CRTC1: variants seen among roughly 807,000 people sequenced by gnomAD.
The protein encoded by CRTC1 is CREB regulated transcription coactivator 1.
CRTC1 carries 18 observed loss-of-function variants against 66.1 expected under a neutral mutation model. The ratio of observed to expected loss-of-function variants is 0.27; its 90% confidence interval spans 0.19 to 0.40. The LOEUF (loss-of-function observed/expected upper bound fraction) is 0.40, where lower values mean the gene tolerates loss of function less well. Ranked by LOEUF, CRTC1 falls within the 10% of genes least tolerant of loss-of-function variation. The pLI, the probability that CRTC1 is intolerant of heterozygous loss-of-function variation, is 1.00. For missense variants in CRTC1, 669 were observed against 887.9 expected (o/e 0.75, Z 3.13); for synonymous variants, 416 against 398.8 (o/e 1.04, Z -0.51).
chr19:18,763,475 G>A (rs1452692646), intron 8 of CRTC1, among the ~76,000 whole-genome samples: 1 of 152,224 alleles, frequency 6.6e-6, no homozygotes, highest in African/African-American at 2.4e-5. Flanking sequence ...GCCGAGGTGT[G>A]CAGAGGCTCT....
chr19:18,696,087 G>T (rs1353449149), intron 1 of CRTC1, among the ~76,000 whole-genome samples: 1 of 152,174 alleles, frequency 6.6e-6, no homozygotes, highest in African/African-American at 2.4e-5. Flanking sequence ...TGGGCAGCTG[G>T]TGGCGTCCTC....
intron 4 of CRTC1, among the ~76,000 whole-genome samples, chr19:18,747,319 C>A (rs551875605): frequency 6.6e-6 from 1 of 152,014 alleles, no homozygotes; most frequent in Non-Finnish European, 1.5e-5. Flanking sequence ...CCCTTCCCCC[C>A]ACTTATGACA....
chr19:18,777,424 G>A lies in CRTC1; in HGVS notation c.*42G>A, dbSNP rs754506692. On this transcript the variant is annotated 3_prime_UTR_variant, in exon 14 of 14. Transcript: ENST00000321949. The surrounding 1 kb of genome is among the most constrained non-coding windows in gnomAD (Gnocchi z 5.5). ...CCTGCCGCTCAGCCGTCCCGACGGC[G>A]CCTCCCCAGCCCGGGGACGGCCGTG... 31 of 1,556,738 alleles carry A rather than the reference G, an allele frequency of 2.0e-5. No individual in the cohort carries two copies. In the South Asian group the frequency reaches 2.7e-4, roughly 13 times the overall value.
intron 5 of CRTC1, among the ~76,000 whole-genome samples, chr19:18,751,614 G>A (rs953345414): frequency 2.0e-5 from 3 of 152,302 alleles, no homozygotes; most frequent in Admixed American, 2.0e-4. Flanking sequence ...GCTGGTTCCA[G>A]AGCCTCAATT....
rs548774893 is a variant in CRTC1, at chr19:18,780,677, G to C, written c.*3295G>C. 3.1e-5 allele frequency: 7 copies of C among 224,478 alleles called. No homozygotes were observed. Among genetic ancestry groups the C allele is most frequent in the South Asian group, 1.8e-4 (1 of 5,468 alleles). The allele number at this position is 224,478 out of a possible 1,614,324, so 13.9% of individuals were successfully genotyped here. A position where few individuals can be genotyped will look rare whatever the true frequency, so the allele number is the denominator to read the frequency against. On this transcript the variant is annotated 3_prime_UTR_variant, in exon 14 of 14. Coordinates refer to ENST00000321949, the MANE Select transcript of CRTC1 (RefSeq NM_015321.3). ...ACAGGAGCCTGCCAGAAGCCCATGG[G>C]GGGCCAGGCCGGGTGGCTTCTATTT... is the stretch of plus-strand genomic sequence containing the variant.
intron 9 of CRTC1, among the ~76,000 whole-genome samples, chr19:18,766,339 A>G (rs144285351): frequency 0.14 from 19,097 of 139,322 alleles, 1,392 homozygotes; most frequent in Middle Eastern, 0.23. Context: ...GGGTTTCACC[A>G]TGCTGGCCAG....
At chr19:18,696,054 G>T (rs935239440) in intron 1 of CRTC1, among the ~76,000 whole-genome samples, 12 of 152,246 alleles carry the variant, frequency 7.9e-5, no homozygotes, top group African/African-American at 2.9e-4. Flanking sequence ...TGCAAACCTG[G>T]ATCCTGTAGT....
Position 18,719,505 on chromosome 19 carries a change from T to C in CRTC1, c.127-23405T>C, listed in dbSNP as rs547990623. On this transcript the variant is annotated intron_variant, in intron 1 of 13. Transcript: ENST00000321949. ...TGACTTTTGGTGTTATGTAACTCCA[T>C]AGTCAAGCTATGTCTAAAAAATGGA... 9.8e-5 allele frequency among the ~76,000 whole-genome samples: 15 copies of C among 152,322 alleles called. No homozygotes were observed. The East Asian group carries it at 2.9e-3, about 29-fold the overall frequency.
chr19:18,777,068 C>T lies in CRTC1; in HGVS notation c.1694-103C>T. ...ATGTCCCCAGACATTGCCAGCATAC[C>T]CAGGGGACAGAGTCGCCCGGCGGGC... On this transcript the variant is annotated intron_variant, in intron 13 of 13. Transcript: ENST00000321949. This position sits in a 1 kb window ranked among gnomAD's most constrained non-coding sequence, Gnocchi z 5.5. The T allele has an allele frequency of 1.4e-6, 1 of 693,524 alleles. No homozygotes were observed. The highest frequency in any genetic ancestry group is 2.6e-6 in the Non-Finnish European group (1 of 390,558). The allele number at this position is 693,524 out of a possible 1,614,324, so 43.0% of individuals were successfully genotyped here.
Position 18,771,423 on chromosome 19 carries a change from G to A in CRTC1, c.1321-19G>A. ...TTGGGCAGCTGGGCTGCGGCGTGCTGATCTGTCTGTCATCGCAGGCGCCGG... is the reference window on the plus strand; with the variant it reads ...TTGGGCAGCTGGGCTGCGGCGTGCTAATCTGTCTGTCATCGCAGGCGCCGG... On this transcript the variant is annotated intron_variant, in intron 10 of 13. Transcript: ENST00000321949. This position sits in a 1 kb window ranked among gnomAD's most constrained non-coding sequence, Gnocchi z 4.6. 2 of 1,605,306 alleles carry A rather than the reference G, an allele frequency of 1.2e-6. No homozygotes were observed. Among genetic ancestry groups the A allele is most frequent in the Non-Finnish European group, 1.7e-6 (2 of 1,175,674 alleles).
chr19:18,698,078 T>C (rs766399751), intron 1 of CRTC1, among the ~76,000 whole-genome samples: 17 of 151,322 alleles, frequency 1.1e-4, no homozygotes, highest in South Asian at 2.1e-4. Context: ...ACTCAGCAGG[T>C]GCTCGGCAGG....
At chr19:18,739,604 G>A (rs555863256) in intron 1 of CRTC1, among the ~76,000 whole-genome samples, 1 of 152,198 alleles carries the variant, frequency 6.6e-6, no homozygotes, top group Non-Finnish European at 1.5e-5. Context: ...CACGGAGCTC[G>A]TCCTCAGGGT....
chr19:18,715,238 T>C (rs572803749), intron 1 of CRTC1, among the ~76,000 whole-genome samples: 74 of 152,274 alleles, frequency 4.9e-4, no homozygotes, highest in African/African-American at 1.7e-3. Flanking sequence ...CTCTCTTTTT[T>C]TTCATTTGAG....
rs1444038121 is a variant in CRTC1 at position 18,741,856 on chromosome 19, G to A, written c.127-1054G>A. ...TGGCCAGTTCCCGGGCTTTACTTCC[G>A]CCTCCGGTGTCCAGGGCCCCCTAGG... is the stretch of plus-strand genomic sequence containing the variant. On this transcript the variant is annotated intron_variant, in intron 1 of 13. Coordinates refer to ENST00000321949, the MANE Select transcript of CRTC1 (RefSeq NM_015321.3). The surrounding 1 kb of genome is among the most constrained non-coding windows in gnomAD (Gnocchi z 4.2). Among the ~76,000 whole-genome samples, 1 of 152,170 alleles carries A rather than the reference G, an allele frequency of 6.6e-6. No individual in the cohort carries two copies. Among genetic ancestry groups the A allele is most frequent in the Non-Finnish European group, 1.5e-5 (1 of 68,004 alleles).
chr19:18,753,829 G>C lies in CRTC1; in HGVS notation c.624+244G>C, dbSNP rs922044994. 1.2e-4 allele frequency among the ~76,000 whole-genome samples: 19 copies of C among 152,170 alleles called. 1 individual carries two copies. Among genetic ancestry groups the C allele is most frequent in the Non-Finnish European group, 2.6e-4 (18 of 68,034 alleles). On this transcript the variant is annotated intron_variant, in intron 6 of 13. Coordinates refer to ENST00000321949, the MANE Select transcript of CRTC1 (RefSeq NM_015321.3). Reference sequence around the variant, plus strand: ...AAAATTACAACCCAGGCTGGGTGCGGTGGCTCACACCTGTAATCCCAGTAC... The same window carrying C: ...AAAATTACAACCCAGGCTGGGTGCGCTGGCTCACACCTGTAATCCCAGTAC...
chr19:18,766,287 ATT>A (rs1020411277), intron 9 of CRTC1, among the ~76,000 whole-genome samples: 13 of 109,684 alleles, frequency 1.2e-4, no homozygotes, highest in Non-Finnish European at 1.3e-4. Flanking sequence ...TGCCTGGCTA[ATT>A]TTTTTTTTTT....
At chr19:18,746,935 T>C (rs2054252927) in intron 3 of CRTC1, 118 bp from the exon 4 acceptor site, 1 of 846,840 alleles carries the variant, frequency 1.2e-6, no homozygotes, top group Non-Finnish European at 2.0e-6. Context: ...TGGTCCCAGC[T>C]GTTTGCAGGC....
In CRTC1 at chr19:18,771,908, C is replaced by T. The variant is rs1339135065; in HGVS notation, c.1425+362C>T. 3.9e-5 allele frequency among the ~76,000 whole-genome samples: 6 copies of T among 152,210 alleles called. No individual in the cohort carries two copies. Among genetic ancestry groups the T allele is most frequent in the East Asian group, 3.9e-4 (2 of 5,180 alleles). On this transcript the variant is annotated intron_variant, in intron 11 of 13. Transcript: ENST00000321949. The surrounding 1 kb of genome is among the most constrained non-coding windows in gnomAD (Gnocchi z 4.6). ...AGAGCATGAGCTGGAGCTTTAGGGA[C>T]CCCCCCGACTTGGGGGTGCAGCTGA...
Position 18,749,784 on chromosome 19 carries a change from C to T in CRTC1, c.447C>T (p.Thr149=). The T allele has an allele frequency of 6.2e-7, 1 of 1,613,902 alleles. No homozygotes were observed. Among genetic ancestry groups the T allele is most frequent in the Non-Finnish European group, 8.5e-7 (1 of 1,179,828 alleles). ...TCTCTTCCTCCCTCCCCACCAGGAC[C>T]AATTCTGACTCCGCCCTGCACCAGA... is the stretch of plus-strand genomic sequence containing the variant. ...SPPADTSWRR[T]NSDSALHQST... is the part of the protein sequence containing the mutation. Residue 149 remains threonine, a synonymous_variant, in exon 5 of 14, where the codon ACC becomes ACT. Coordinates refer to ENST00000321949, the MANE Select transcript of CRTC1 (RefSeq NM_015321.3).
Sources: allele counts gnomAD v4.1 joint callset (sites outside exome capture counted in the v4.1 genomes callset), GRCh38; gene constraint gnomAD v4.1.1; non-coding constraint Gnocchi (gnomAD v3.1); transcripts MANE v1.5; gene names NCBI Gene and HGNC (gene_info 2026-07-23, HGNC 2026-07-21).